Variants in DOCK3 observed in about 807,000 individuals in gnomAD.
The protein encoded by DOCK3 is dedicator of cytokinesis 3.
In DOCK3, 60 loss-of-function variants were observed where a neutral mutation model predicts 265.6. The observed-to-expected ratio is 0.23, with a 90% CI of 0.18 to 0.28. The LOEUF (loss-of-function observed/expected upper bound fraction) is 0.28. DOCK3 is among the 10% of genes least tolerant of loss of function. The pLI is 1.00. For synonymous variants in DOCK3, 881 were observed against 938.0 expected (o/e 0.94, Z 1.11); for missense variants, 1,981 against 2,594.3 (o/e 0.76, Z 5.14).
intron 52 of DOCK3, among the ~76,000 whole-genome samples, chr3:51,380,783 C>T (rs1011033204): frequency 3.3e-5 from 5 of 152,128 alleles, no homozygotes; most frequent in African/African-American, 4.8e-5. Context: ...GAGCCACCGA[C>T]GGCAGCCTGG....
At chr3:50,874,972 A>G (rs1169435228) in intron 3 of DOCK3, among the ~76,000 whole-genome samples, 1 of 152,148 alleles carries the variant, frequency 6.6e-6, no homozygotes, top group Non-Finnish European at 1.5e-5. Flanking sequence ...AGAAAACCAA[A>G]CACCACACGT....
intron 12 of DOCK3, among the ~76,000 whole-genome samples, chr3:51,205,828 C>G (rs1331190151): frequency 6.6e-6 from 1 of 152,188 alleles, no homozygotes; most frequent in Non-Finnish European, 1.5e-5. Flanking sequence ...GCCTTTGTAA[C>G]AATAACTTGG....
At chr3:51,067,816 T>C (rs2109307531) in intron 6 of DOCK3, among the ~76,000 whole-genome samples, 1 of 152,340 alleles carries the variant, frequency 6.6e-6, no homozygotes, top group South Asian at 2.1e-4. Context: ...CTTTTCTTCC[T>C]ATTTTGAAAG....
At chr3:51,341,426 G>A (rs2085234834) in intron 38 of DOCK3, 41 bp downstream of exon 38, 1 of 1,608,022 alleles carries the variant, frequency 6.2e-7, no homozygotes, top group South Asian at 1.1e-5. Flanking sequence ...TTCAGCTTCT[G>A]CTGTGATGCA....
chr3:51,044,490 A>T (rs2080677319), intron 5 of DOCK3, among the ~76,000 whole-genome samples: 1 of 152,022 alleles, frequency 6.6e-6, no homozygotes, highest in African/African-American at 2.4e-5. Flanking sequence ...ACTAGGCTTA[A>T]TACTTGGGTG....
At chr3:51,076,946 A>G (rs1275500598) in intron 7 of DOCK3, among the ~76,000 whole-genome samples, 2 of 152,188 alleles carry the variant, frequency 1.3e-5, no homozygotes, top group East Asian at 1.9e-4. Flanking sequence ...AAGTCAGACC[A>G]TGAAGAGCTT....
In DOCK3 at chr3:51,381,671, C is replaced by G; in HGVS notation, c.*112C>G. ...CCAGGGAGCCAGAGAGGCTTGCACTCAGGAGAGAACCACCCCCAAGTCTCC... is the reference window on the plus strand; with the variant it reads ...CCAGGGAGCCAGAGAGGCTTGCACTGAGGAGAGAACCACCCCCAAGTCTCC... On this transcript the variant is annotated 3_prime_UTR_variant, in exon 53 of 53. Coordinates refer to ENST00000266037, the MANE Select transcript of DOCK3 (RefSeq NM_004947.5). This position sits in a 1 kb window ranked among gnomAD's most constrained non-coding sequence, Gnocchi z 5.6. 17 of 1,373,926 alleles carry G rather than the reference C, an allele frequency of 1.2e-5. No homozygotes were observed. The South Asian group carries it at 2.3e-4, about 19-fold the overall frequency. 85.1% of individuals were successfully genotyped at this position (1,373,926 alleles called of 1,614,324 possible).
intron 4 of DOCK3, among the ~76,000 whole-genome samples, chr3:50,920,222 G>C (rs762014293): frequency 6.6e-6 from 1 of 151,994 alleles, no homozygotes; most frequent in African/African-American, 2.4e-5. Flanking sequence ...TTTTTGTTGT[G>C]CCTCTGCTAG....
intron 1 of DOCK3, among the ~76,000 whole-genome samples, chr3:50,720,331 T>C (rs1350933200): frequency 6.6e-6 from 1 of 152,142 alleles, no homozygotes; most frequent in Non-Finnish European, 1.5e-5. Context: ...ATTGTTCCCT[T>C]CTCTGTGTTC....
chr3:50,691,506 A>G (rs2035240515), intron 1 of DOCK3, among the ~76,000 whole-genome samples: 1 of 152,136 alleles, frequency 6.6e-6, no homozygotes, highest in African/African-American at 2.4e-5. Flanking sequence ...AGCTATTGTA[A>G]ATAATGCTGC....
At chr3:51,054,678 A>G (rs1195599373) in intron 5 of DOCK3, among the ~76,000 whole-genome samples, 1 of 152,038 alleles carries the variant, frequency 6.6e-6, no homozygotes, top group African/African-American at 2.4e-5. Flanking sequence ...TTACCTTTTC[A>G]TTCTGCTTTC....
intron 10 of DOCK3, among the ~76,000 whole-genome samples, chr3:51,148,574 T>C (rs1471903351): frequency 6.6e-6 from 1 of 152,238 alleles, no homozygotes; most frequent in Non-Finnish European, 1.5e-5. Flanking sequence ...TAGCCAGTTT[T>C]CCCAGCACCA....
At chr3:51,106,491 A>G (rs1426948709) in intron 9 of DOCK3, among the ~76,000 whole-genome samples, 2 of 152,134 alleles carry the variant, frequency 1.3e-5, no homozygotes, top group Admixed American at 1.3e-4. Flanking sequence ...GCACCCTGCC[A>G]TGCCACACCT....
intron 5 of DOCK3, among the ~76,000 whole-genome samples, chr3:50,999,498 A>G (rs1294244501): frequency 6.6e-6 from 1 of 152,212 alleles, no homozygotes; most frequent in African/African-American, 2.4e-5. Context: ...TCTAAAATTT[A>G]GAGTACCCAG....
At chr3:51,215,753 TC>T (rs1489820212) in intron 14 of DOCK3, among the ~76,000 whole-genome samples, 5 of 152,176 alleles carry the variant, frequency 3.3e-5, no homozygotes, top group African/African-American at 1.2e-4. Flanking sequence ...CACACAGCCT[TC>T]GTCTTCTACT....
At chr3:51,227,892 A>G (rs2090396728) in intron 16 of DOCK3, 90 bp from the exon 17 acceptor site, 2 of 1,285,398 alleles carry the variant, frequency 1.6e-6, no homozygotes, top group East Asian at 4.9e-5. Context: ...GGCGAGGAAC[A>G]AAAGAGCATA....
chr3:51,163,787 AT>A (rs2086249419), intron 12 of DOCK3, among the ~76,000 whole-genome samples: 1 of 152,182 alleles, frequency 6.6e-6, no homozygotes, highest in Non-Finnish European at 1.5e-5. Context: ...TAAATTTTTA[AT>A]TTGGATTACA....
chr3:50,733,636 T>C (rs2038365813), intron 1 of DOCK3, among the ~76,000 whole-genome samples: 1 of 152,230 alleles, frequency 6.6e-6, no homozygotes, highest in African/African-American at 2.4e-5. Flanking sequence ...GAGTCTCCTA[T>C]AGGCAACATA....
chr3:50,899,095 T>C (rs1206259343), intron 4 of DOCK3, among the ~76,000 whole-genome samples: 1 of 152,196 alleles, frequency 6.6e-6, no homozygotes, highest in Non-Finnish European at 1.5e-5. Context: ...TCTCCCACTA[T>C]TATTGTGTGG....
Sources: allele counts gnomAD v4.1 joint callset (sites outside exome capture counted in the v4.1 genomes callset), GRCh38; gene constraint gnomAD v4.1.1; non-coding constraint Gnocchi (gnomAD v3.1); transcripts MANE v1.5; gene names NCBI Gene and HGNC (gene_info 2026-07-23, HGNC 2026-07-21).